PITPNC1: variants seen among roughly 807,000 people sequenced by gnomAD.
PITPNC1 encodes the protein phosphatidylinositol transfer protein cytoplasmic 1, also known as cytoplasmic phosphatidylinositol transfer protein 1.
In PITPNC1, 18 loss-of-function variants were observed where a neutral mutation model predicts 44.7. The ratio of observed to expected loss-of-function variants is 0.40; its 90% CI spans 0.28 to 0.60. The LOEUF is 0.60. PITPNC1 is among the 20% of genes least tolerant of loss of function. The pLI is 0.39. For missense variants in PITPNC1, 290 were observed against 418.4 expected (o/e 0.69, Z 2.68); for synonymous variants, 141 against 149.6 (o/e 0.94, Z 0.42).
chr17:67,653,319 C>T (rs1196491473), intron 6 of PITPNC1, among the ~76,000 whole-genome samples: 1 of 152,050 alleles, frequency 6.6e-6, no homozygotes, highest in Non-Finnish European at 1.5e-5. Context: ...CAGACAAGCA[C>T]AGAGGGAAGA....
At chr17:67,412,489 GC>G (rs1456660027) in intron 1 of PITPNC1, among the ~76,000 whole-genome samples, 1 of 152,122 alleles carries the variant, frequency 6.6e-6, no homozygotes, top group Non-Finnish European at 1.5e-5. Context: ...CCTTAAATAA[GC>G]CCTGATTTAA....
chr17:67,647,465 T>G (rs929735829), intron 6 of PITPNC1, among the ~76,000 whole-genome samples: 1 of 13,892 alleles, frequency 7.2e-5, no homozygotes, highest in Admixed American at 1.0e-3. Context: ...TAATTTTGGG[T>G]TTTTTTTTTT....
chr17:67,380,774 C>CT (rs869140380), intron 1 of PITPNC1, among the ~76,000 whole-genome samples: 20 of 148,168 alleles, frequency 1.3e-4, no homozygotes, highest in Middle Eastern at 3.5e-3. Flanking sequence ...GGAAGCCTAA[C>CT]TTTTTTTTTT....
rs966162648 is a variant in PITPNC1, at chr17:67,695,482, A to G, written c.*2594A>G. The G allele has an allele frequency of 1.3e-5, 2 of 150,644 alleles. No individual in the cohort carries two copies. Among genetic ancestry groups the G allele is most frequent in the Non-Finnish European group, 3.0e-5 (2 of 67,680 alleles). The allele number at this position is 150,644 out of a possible 1,614,324, so 9.3% of individuals were successfully genotyped here. On this transcript the variant is annotated 3_prime_UTR_variant, in exon 9 of 9. Coordinates refer to ENST00000581322, the MANE Select transcript of PITPNC1 (RefSeq NM_012417.4). The stretch of plus-strand genomic sequence containing the variant: ...ATGGCTGCATGATGGAAATTAGAAG[A>G]AAAAAAAAGCAGAAACTTGAATTTG...
chr17:67,690,177 G>C (rs2042894099), intron 8 of PITPNC1, among the ~76,000 whole-genome samples: 1 of 152,208 alleles, frequency 6.6e-6, no homozygotes, highest in African/African-American at 2.4e-5. Context: ...GCTGGGCACG[G>C]TGGCTCATGC....
chr17:67,408,135 T>C (rs1021187407), intron 1 of PITPNC1, among the ~76,000 whole-genome samples: 3 of 151,682 alleles, frequency 2.0e-5, no homozygotes, highest in Admixed American at 6.6e-5. Context: ...TTTGTATTTT[T>C]AGTAGACACA....
intron 5 of PITPNC1, among the ~76,000 whole-genome samples, chr17:67,599,036 T>TATA (rs1568059523): frequency 6.1e-4 from 20 of 32,888 alleles, no homozygotes; most frequent in Non-Finnish European, 8.0e-4. Context: ...ATATATATAT[T>TATA]TTTTTTTTTT....
intron 5 of PITPNC1, chr17:67,612,818 A>G (rs977919635): frequency 2.6e-5 from 4 of 152,494 alleles, no homozygotes; most frequent in East Asian, 1.9e-4. Flanking sequence ...TCAAACGTCT[A>G]TCAGGAAGGT....
At position 67,692,822 on chromosome 17, in the gene PITPNC1, A is replaced by G; in HGVS notation, c.933A>G (p.Lys311=). The change falls in exon 9 of 9, where the codon AAA becomes AAG. Residue 311 remains lysine, a synonymous_variant. Transcript: ENST00000581322. ...CTCTCACACTTCCAGACCCTGAGAA[A>G]AAAGCCACCCTGAATTTACCCGGCA... The part of the protein sequence containing the change: ...PETLTLPDPE[K]KATLNLPGMH... 1 of 1,613,934 alleles carries G rather than the reference A, an allele frequency of 6.2e-7. No homozygotes were observed.
At chr17:67,621,227 A>ATTTTAT (rs1567743362) in intron 5 of PITPNC1, among the ~76,000 whole-genome samples, 48 of 12,354 alleles carry the variant, frequency 3.9e-3, no homozygotes, top group South Asian at 8.2e-3. Flanking sequence ...TTTTATTTTA[A>ATTTTAT]GACAAAGTTT....
chr17:67,687,219 T>C (rs748667461), intron 8 of PITPNC1: 23 of 1,100,776 alleles, frequency 2.1e-5, no homozygotes, highest in Non-Finnish European at 3.1e-5. Flanking sequence ...TGCCCACCCT[T>C]TCACAAATGC....
chr17:67,435,831 A>G (rs2364981), intron 1 of PITPNC1, among the ~76,000 whole-genome samples: 126,577 of 152,042 alleles, frequency 0.83, 53,438 homozygotes, highest in African/African-American at 0.96. Context: ...CAGCCTGGAC[A>G]ACAGAGCGGG....
At chr17:67,672,077 G>A (rs951026602) in intron 7 of PITPNC1, among the ~76,000 whole-genome samples, 17 of 152,028 alleles carry the variant, frequency 1.1e-4, no homozygotes, top group African/African-American at 3.9e-4. Context: ...TGAGGCACAG[G>A]TGCATGCCAC....
intron 8 of PITPNC1, among the ~76,000 whole-genome samples, chr17:67,691,950 C>T (rs1470297235): frequency 6.6e-6 from 1 of 151,508 alleles, no homozygotes; most frequent in Admixed American, 6.6e-5. Context: ...TCGAGACTGC[C>T]GTGAGTCATG....
chr17:67,510,840 CTCTT>C (rs1414005629), intron 1 of PITPNC1, among the ~76,000 whole-genome samples: 2 of 152,098 alleles, frequency 1.3e-5, no homozygotes, highest in Non-Finnish European at 2.9e-5. Flanking sequence ...TCCTCATTCT[CTCTT>C]CCCCACTACT....
At chr17:67,549,224 C>T (rs1332940859) in intron 2 of PITPNC1, among the ~76,000 whole-genome samples, 4 of 152,068 alleles carry the variant, frequency 2.6e-5, no homozygotes, top group Non-Finnish European at 5.9e-5. Context: ...GAGGCCGAGG[C>T]GGGCGGATCA....
At chr17:67,552,525 A>G (rs2040781031) in intron 3 of PITPNC1, among the ~76,000 whole-genome samples, 180 bp downstream of exon 3, 1 of 151,744 alleles carries the variant, frequency 6.6e-6, no homozygotes, top group Non-Finnish European at 1.5e-5. Context: ...AGACACAGAG[A>G]TGGCAGGTGA....
intron 1 of PITPNC1, among the ~76,000 whole-genome samples, chr17:67,463,808 G>A (rs2143980936): frequency 6.6e-6 from 1 of 152,206 alleles, no homozygotes; most frequent in South Asian, 2.1e-4. Context: ...TTGGGAGGCT[G>A]AGGTGGGAGG....
intron 2 of PITPNC1, among the ~76,000 whole-genome samples, chr17:67,551,011 A>C (rs1001700783): frequency 1.3e-5 from 2 of 152,218 alleles, no homozygotes; most frequent in African/African-American, 4.8e-5. Flanking sequence ...CAGTGAGCCG[A>C]GACTGCACCA....
Sources: allele counts gnomAD v4.1 joint callset (sites outside exome capture counted in the v4.1 genomes callset), GRCh38; gene constraint gnomAD v4.1.1; transcripts MANE v1.5; gene names NCBI Gene and HGNC (gene_info 2026-07-23, HGNC 2026-07-21).